The following B3GALT1 variants were observed in gnomAD, a reference collection of about 807,000 sequenced individuals.
B3GALT1 encodes beta-1,3-galactosyltransferase 1.
Under a neutral mutation model 23.2 loss-of-function variants are expected in B3GALT1, and 10 were observed. The observed-to-expected ratio is 0.43, with a 90% confidence interval of 0.27 to 0.73. The LOEUF (loss-of-function observed/expected upper bound fraction) is 0.73. Ranked by LOEUF, B3GALT1 falls within the 30% of genes least tolerant of loss-of-function variation. The pLI, the probability that B3GALT1 is intolerant of heterozygous loss-of-function variation, is 0.21. For missense variants in B3GALT1, 299 were observed against 405.4 expected (o/e 0.74, Z 2.25); for synonymous variants, 156 against 141.5 (o/e 1.10, Z -0.73).
At chr2:167,334,249 C>T (rs1697020437) in intron 1 of B3GALT1, among the ~76,000 whole-genome samples, 1 of 152,160 alleles carries the variant, frequency 6.6e-6, no homozygotes, top group Admixed American at 6.5e-5. Flanking sequence ...TGGCAACTGA[C>T]TGCCTTTAAG....
chr2:167,331,081 T>G (rs994974304), intron 1 of B3GALT1, among the ~76,000 whole-genome samples: 2 of 151,992 alleles, frequency 1.3e-5, no homozygotes, highest in Admixed American at 1.3e-4. Context: ...TACAGTCTGG[T>G]GTTATGATTT....
chr2:167,376,082 A>T (rs1242915971), intron 1 of B3GALT1, among the ~76,000 whole-genome samples: 1 of 152,158 alleles, frequency 6.6e-6, no homozygotes, highest in Non-Finnish European at 1.5e-5. Context: ...TGGGATGATC[A>T]TATGTTTTTT....
chr2:167,539,957 A>G (rs1683509276), intron 2 of B3GALT1, among the ~76,000 whole-genome samples: 1 of 152,196 alleles, frequency 6.6e-6, no homozygotes, highest in African/African-American at 2.4e-5. Flanking sequence ...CTATTCCTTC[A>G]GGAGAAAAGG....
intron 4 of B3GALT1, among the ~76,000 whole-genome samples, chr2:167,865,365 C>T (rs929311444): frequency 3.3e-5 from 5 of 152,138 alleles, no homozygotes; most frequent in South Asian, 2.1e-4. Context: ...ATCGCATTGT[C>T]GCACTCCAGC....
chr2:167,352,141 TGTA>T (rs1697319350), intron 1 of B3GALT1, among the ~76,000 whole-genome samples: 2 of 150,630 alleles, frequency 1.3e-5, no homozygotes, highest in African/African-American at 4.9e-5. Flanking sequence ...TTTTTTTTTT[TGTA>T]TTTTCGTAGA....
At chr2:167,583,110 A>G (rs1271855365) in intron 2 of B3GALT1, among the ~76,000 whole-genome samples, 1 of 152,176 alleles carries the variant, frequency 6.6e-6, no homozygotes, top group Non-Finnish European at 1.5e-5. Flanking sequence ...TCTCAGTGTT[A>G]CTTTAAACTT....
rs542862267 is a variant in B3GALT1, at chr2:167,325,481, A to G, written c.-511+32147A>G. On this transcript the variant is annotated intron_variant, in intron 1 of 4. Coordinates refer to ENST00000392690, the MANE Select transcript of B3GALT1 (RefSeq NM_020981.4). Reference sequence around the variant, plus strand: ...TTTTAAACCACCAAATTTCACAATAACTTACTCTCACCACACCACCACCAA... The same window carrying G: ...TTTTAAACCACCAAATTTCACAATAGCTTACTCTCACCACACCACCACCAA... 3.3e-5 allele frequency among the ~76,000 whole-genome samples: 5 copies of G among 151,914 alleles called. No homozygotes were observed. The South Asian group carries it at 6.2e-4, about 19-fold the overall frequency.
At chr2:167,781,940 AC>A (rs1184466666) in intron 3 of B3GALT1, among the ~76,000 whole-genome samples, 3 of 152,224 alleles carry the variant, frequency 2.0e-5, no homozygotes, top group Admixed American at 6.5e-5. Flanking sequence ...ACGGGGTTTC[AC>A]CATGTTGGTC....
chr2:167,396,107 C>T (rs913751794), intron 1 of B3GALT1, among the ~76,000 whole-genome samples: 1 of 152,120 alleles, frequency 6.6e-6, no homozygotes, highest in Non-Finnish European at 1.5e-5. Context: ...ACAAAAGATA[C>T]ACTAATTAAT....
chr2:167,758,186 A>G (rs1687845687), intron 3 of B3GALT1, among the ~76,000 whole-genome samples: 2 of 152,060 alleles, frequency 1.3e-5, no homozygotes, highest in African/African-American at 2.4e-5. Flanking sequence ...TAATAAGAAC[A>G]TATAACAATA....
chr2:167,815,963 A>C (rs1171077147), intron 3 of B3GALT1, among the ~76,000 whole-genome samples: 1 of 152,220 alleles, frequency 6.6e-6, no homozygotes, highest in Non-Finnish European at 1.5e-5. Context: ...TGACTTTGAA[A>C]TATTATTTTG....
intron 4 of B3GALT1, among the ~76,000 whole-genome samples, chr2:167,854,592 C>T (rs959823974): frequency 2.0e-5 from 3 of 152,164 alleles, no homozygotes; most frequent in Middle Eastern, 3.2e-3. Flanking sequence ...AAACAGCTGC[C>T]ATCTCATGCT....
At chr2:167,803,217 A>C (rs836682) in intron 3 of B3GALT1, among the ~76,000 whole-genome samples, 3 of 152,040 alleles carry the variant, frequency 2.0e-5, no homozygotes, top group Non-Finnish European at 4.4e-5. Flanking sequence ...ATTGTGGTGA[A>C]GCAACAGTGC....
At chr2:167,680,232 T>G (rs1298128279) in intron 3 of B3GALT1, among the ~76,000 whole-genome samples, 1 of 152,174 alleles carries the variant, frequency 6.6e-6, no homozygotes, top group Non-Finnish European at 1.5e-5. Context: ...CGGAAGAGAT[T>G]TATAAATATG....
intron 1 of B3GALT1, among the ~76,000 whole-genome samples, chr2:167,475,876 G>A (rs866452370): frequency 6.6e-5 from 10 of 152,236 alleles, no homozygotes; most frequent in Middle Eastern, 6.8e-3. Flanking sequence ...GCTTCTGGTG[G>A]TTTGCCTGCA....
intron 3 of B3GALT1, among the ~76,000 whole-genome samples, chr2:167,685,156 G>A (rs558361102): frequency 9.2e-5 from 14 of 152,310 alleles, no homozygotes; most frequent in Non-Finnish European, 2.9e-5. Flanking sequence ...GACTGCCATG[G>A]AGCCTCCCTT....
intron 1 of B3GALT1, among the ~76,000 whole-genome samples, chr2:167,475,616 G>A (rs1699475063): frequency 1.3e-5 from 2 of 152,136 alleles, no homozygotes; most frequent in South Asian, 4.1e-4. Flanking sequence ...ACTTGGTTAA[G>A]ATGGAAAAGG....
At chr2:167,751,668 A>G (rs886198410) in intron 3 of B3GALT1, among the ~76,000 whole-genome samples, 2 of 152,208 alleles carry the variant, frequency 1.3e-5, no homozygotes, top group African/African-American at 4.8e-5. Flanking sequence ...GTGCTGGGTC[A>G]GTGGAGGTGA....
intron 1 of B3GALT1, among the ~76,000 whole-genome samples, chr2:167,409,922 A>G (rs1039020738): frequency 3.3e-5 from 5 of 152,134 alleles, no homozygotes; most frequent in Non-Finnish European, 5.9e-5. Flanking sequence ...CAATCCCGTT[A>G]CTGGGTATAT....
Sources: gnomAD v4.1 joint callset for allele counts (sites outside exome capture counted in the v4.1 genomes callset) on GRCh38, gnomAD v4.1.1 for gene constraint, MANE v1.5 for transcripts, NCBI Gene and HGNC (gene_info 2026-07-23, HGNC 2026-07-21) for gene names.